Variants in MALRD1 observed in about 807,000 individuals in gnomAD.
The protein encoded by MALRD1 is MAM and LDL receptor class A domain containing 1.
In MALRD1, 247 loss-of-function variants were observed where a neutral mutation model predicts 242.1. That is an observed-to-expected ratio of 1.02 (90% CI 0.92 to 1.13). The LOEUF (loss-of-function observed/expected upper bound fraction) is 1.13. Among genes scored for constraint, MALRD1 ranks in the 50% most tolerant of loss-of-function variants. The pLI is 0.00. For missense variants in MALRD1, 2,989 were observed against 2,533.1 expected, an observed-to-expected ratio of 1.18 and a Z score of -3.86; for synonymous variants, 995 against 866.6, an observed-to-expected ratio of 1.15 and a Z score of -2.60.
Position 19,074,589 on chromosome 10 carries a change from C to A in MALRD1, c.340+7730C>A, listed in dbSNP as rs145923290. ...ATGTCAGTGATGGAATCATAGTTGA[C>A]AACTTAGATACTTATTTGAATTAAC... On this transcript the variant is annotated intron_variant, in intron 2 of 39. Coordinates refer to ENST00000454679, the MANE Select transcript of MALRD1 (RefSeq NM_001142308.3). Among the ~76,000 whole-genome samples the A allele has an allele frequency of 6.1e-5, 9 of 147,860 alleles. No individual in the cohort carries two copies. The East Asian group carries it at 1.6e-3, about 26-fold the overall frequency.
intron 7 of MALRD1, among the ~76,000 whole-genome samples, chr10:19,127,669 T>A (rs1257262201): frequency 6.6e-6 from 1 of 152,188 alleles, no homozygotes; most frequent in Non-Finnish European, 1.5e-5. Flanking sequence ...GGGAAAAATT[T>A]ATTTACAATA....
intron 29 of MALRD1, among the ~76,000 whole-genome samples, chr10:19,454,398 T>C (rs1835506974): frequency 2.1e-5 from 1 of 47,482 alleles, no homozygotes; most frequent in African/African-American, 9.0e-5. Flanking sequence ...AGGTAGATTA[T>C]GCATATGATA....
intron 31 of MALRD1, among the ~76,000 whole-genome samples, chr10:19,527,433 C>T (rs926464564): frequency 3.2e-4 from 48 of 152,118 alleles, no homozygotes; most frequent in African/African-American, 1.1e-3. Flanking sequence ...AATCGGAATT[C>T]AATTCCTAAC....
At chr10:19,633,568 A>G (rs1840001357) in intron 36 of MALRD1, 1 of 152,176 alleles carries the variant, frequency 6.6e-6, no homozygotes, top group Non-Finnish European at 1.5e-5. Context: ...TAGTAATGCC[A>G]GCCTGGTGGC....
intron 38 of MALRD1, among the ~76,000 whole-genome samples, chr10:19,720,181 C>T (rs996373379): frequency 6.6e-6 from 1 of 152,050 alleles, no homozygotes; most frequent in Non-Finnish European, 1.5e-5. Flanking sequence ...TGAAAATGCC[C>T]CCAAAATCAA....
chr10:19,056,527 T>C (rs1258068810), intron 1 of MALRD1, among the ~76,000 whole-genome samples: 1 of 152,184 alleles, frequency 6.6e-6, no homozygotes, highest in East Asian at 1.9e-4. Context: ...GATTTTTGTA[T>C]GTTGCTTTTG....
chr10:19,204,766 TTA>T (rs1836713142), intron 16 of MALRD1, 130 bp from the exon 17 acceptor site: 2 of 966,846 alleles, frequency 2.1e-6, no homozygotes, highest in African/African-American at 3.3e-5. Context: ...ACAGCCACAG[TTA>T]TTGCGGGAAA....
At chr10:19,566,044 C>G (rs189797454) in intron 32 of MALRD1, among the ~76,000 whole-genome samples, 168 of 152,126 alleles carry the variant, frequency 1.1e-3, no homozygotes, top group African/African-American at 3.9e-3. Flanking sequence ...GTGATTCTTG[C>G]TAGTATTTCT....
At chr10:19,628,591 G>A (rs535883598) in intron 36 of MALRD1, among the ~76,000 whole-genome samples, 1 of 152,182 alleles carries the variant, frequency 6.6e-6, no homozygotes, top group African/African-American at 2.4e-5. Flanking sequence ...GGAAACTGGT[G>A]AGTTACACAT....
At chr10:19,178,371 T>C (rs548413408) in intron 14 of MALRD1, among the ~76,000 whole-genome samples, 2 of 152,328 alleles carry the variant, frequency 1.3e-5, no homozygotes, top group African/African-American at 4.8e-5. Flanking sequence ...CAGAAGTTTA[T>C]GGAGAGAAAC....
In MALRD1 at chr10:19,397,852, A is replaced by G. The variant is rs142786073; in HGVS notation, c.4845+8243A>G. On this transcript the variant is annotated intron_variant, in intron 28 of 39. Coordinates refer to ENST00000454679, the MANE Select transcript of MALRD1 (RefSeq NM_001142308.3). ...TCTTTTTGATAATAGCCATTCTAAC[A>G]GGCATGAGGTGATATCCATCATGGT... is the stretch of plus-strand genomic sequence containing the variant. 2.1e-3 allele frequency among the ~76,000 whole-genome samples: 313 copies of G among 151,976 alleles called. 1 individual carries two copies. The highest frequency in any genetic ancestry group is 6.8e-3 in the Middle Eastern group (2 of 294).
intron 12 of MALRD1, among the ~76,000 whole-genome samples, chr10:19,157,720 G>A (rs1360701602): frequency 6.6e-6 from 1 of 152,120 alleles, no homozygotes; most frequent in Non-Finnish European, 1.5e-5. Context: ...GATAACCAGT[G>A]TGGGGTACTT....
At chr10:19,416,994 T>C (rs1833536285) in intron 28 of MALRD1, among the ~76,000 whole-genome samples, 1 of 152,220 alleles carries the variant, frequency 6.6e-6, no homozygotes, top group Admixed American at 6.5e-5. Context: ...TGCTTGACTG[T>C]TCAGTCACAT....
At chr10:19,281,073 A>G (rs1431930460) in intron 20 of MALRD1, among the ~76,000 whole-genome samples, 2 of 152,098 alleles carry the variant, frequency 1.3e-5, no homozygotes, top group Non-Finnish European at 2.9e-5. Context: ...TGAGGTTCAT[A>G]TTTATTCTTT....
At chr10:19,155,287 A>C (rs1834102659) in intron 12 of MALRD1, 115 bp downstream of exon 12, 1 of 461,868 alleles carries the variant, frequency 2.2e-6, no homozygotes, top group Admixed American at 4.4e-5. Context: ...TGATGAATTA[A>C]GAGATTTACA....
At chr10:19,165,141 C>A (rs1834619598) in intron 12 of MALRD1, among the ~76,000 whole-genome samples, 1 of 150,210 alleles carries the variant, frequency 6.7e-6, no homozygotes, top group South Asian at 2.1e-4. Flanking sequence ...GAGAAGGATT[C>A]TGGAAACTTC....
intron 33 of MALRD1, among the ~76,000 whole-genome samples, chr10:19,587,906 T>A (rs1837522122): frequency 1.2e-5 from 1 of 86,350 alleles, no homozygotes; most frequent in South Asian, 3.9e-4. Context: ...TTCCTTATCC[T>A]AGGTGTTTTT....
intron 28 of MALRD1, 95 bp downstream of exon 28, chr10:19,389,704 G>T (rs1167975288): frequency 4.2e-5 from 56 of 1,331,094 alleles, no homozygotes; most frequent in Non-Finnish European, 5.4e-5. Context: ...CAGTGGTGCA[G>T]TCATGGCTTA....
intron 36 of MALRD1, among the ~76,000 whole-genome samples, chr10:19,667,617 C>A (rs1045693739): frequency 5.9e-5 from 9 of 151,592 alleles, no homozygotes; most frequent in Non-Finnish European, 1.2e-4. Context: ...CTCTCTCTTG[C>A]TTACCACTGC....
Sources: gnomAD v4.1 joint callset for allele counts (sites outside exome capture counted in the v4.1 genomes callset) on GRCh38, gnomAD v4.1.1 for gene constraint, MANE v1.5 for transcripts, NCBI Gene and HGNC (gene_info 2026-07-23, HGNC 2026-07-21) for gene names.